The following SLC30A7 variants were observed in gnomAD, a reference collection of about 807,000 sequenced individuals.
The protein encoded by SLC30A7 is zinc transporter 7.
In SLC30A7, 35 loss-of-function variants were observed where a neutral mutation model predicts 46.0. The ratio of observed to expected loss-of-function variants is 0.76; its 90% confidence interval spans 0.58 to 1.01. The LOEUF (loss-of-function observed/expected upper bound fraction) is 1.01. Ranked by LOEUF, SLC30A7 falls within the 50% of genes least tolerant of loss-of-function variation. The pLI is 0.00. For synonymous variants in SLC30A7, 147 were observed against 157.8 expected, an observed-to-expected ratio of 0.93 and a Z score of 0.51; for missense variants, 464 against 451.1, an observed-to-expected ratio of 1.03 and a Z score of -0.26.
At chr1:100,963,511 A>G (rs79763958) in intron 9 of SLC30A7, among the ~76,000 whole-genome samples, 4,373 of 152,250 alleles carry the variant, frequency 0.029, 205 homozygotes, top group African/African-American at 0.095. Flanking sequence ...AAATGAATGG[A>G]GAAGTGACAA....
chr1:100,925,139 G>A (rs1288167297), intron 8 of SLC30A7, among the ~76,000 whole-genome samples: 1 of 152,226 alleles, frequency 6.6e-6, no homozygotes, highest in Non-Finnish European at 1.5e-5. Flanking sequence ...TTTAACCTGA[G>A]ATCTTATTGT....
chr1:100,942,798 AT>A (rs1654425525), intron 8 of SLC30A7, among the ~76,000 whole-genome samples: 1 of 152,224 alleles, frequency 6.6e-6, no homozygotes, highest in South Asian at 2.1e-4. Flanking sequence ...TGTTTTTAAC[AT>A]TTCATCTTAG....
intron 10 of SLC30A7, among the ~76,000 whole-genome samples, chr1:100,967,847 A>G (rs545283539): frequency 2.0e-5 from 3 of 152,336 alleles, no homozygotes; most frequent in African/African-American, 4.8e-5. Flanking sequence ...AGCAACCACA[A>G]AGGAAAGTAT....
chr1:100,957,202 A>C (rs935764933), intron 8 of SLC30A7, among the ~76,000 whole-genome samples: 1 of 152,152 alleles, frequency 6.6e-6, no homozygotes, highest in Non-Finnish European at 1.5e-5. Context: ...CATTGCCACA[A>C]CTCGAGAGTA....
At chr1:100,993,563 T>TATAC in the SLC30A7 span, among the ~76,000 whole-genome samples, 1 of 65,190 alleles carries the variant, frequency 1.5e-5, no homozygotes, top group South Asian at 4.1e-4. Flanking sequence ...AATATAAATA[T>TATAC]ATATATATAT....
the SLC30A7 span, among the ~76,000 whole-genome samples, chr1:100,992,090 C>CCT: frequency 4.7e-5 from 7 of 149,908 alleles, no homozygotes; most frequent in African/African-American, 4.9e-5. Flanking sequence ...AAAGTGAGAC[C>CCT]CTCTCTCAAA....
chr1:100,976,734 T>C lies in SLC30A7; in HGVS notation c.*1877T>C, dbSNP rs1656540818. On this transcript the variant is annotated 3_prime_UTR_variant, in exon 11 of 11. Transcript: ENST00000357650. ...GTTTTAGAGTGTCTTTTCCCCTATT[T>C]CTGACCTACAACTATAAACTACTCT... 1 of 152,664 alleles carries C rather than the reference T, an allele frequency of 6.6e-6. No individual in the cohort carries two copies. Among genetic ancestry groups the C allele is most frequent in the Admixed American group, 6.5e-5 (1 of 15,284 alleles). 9.5% of individuals were successfully genotyped at this position (152,664 alleles called of 1,614,324 possible).
At position 100,896,160 on chromosome 1, in the gene SLC30A7, A is replaced by C; in HGVS notation, c.-103A>C. On this transcript the variant is annotated 5_prime_UTR_variant, in exon 1 of 11. Coordinates refer to ENST00000357650, the MANE Select transcript of SLC30A7 (RefSeq NM_133496.5). ...TCGCAGCGGCGCGCGGCCCCGGACA[A>C]GCGCTGGGGATTCCCGTTTGAGGCG... 1 of 1,011,596 alleles carries C rather than the reference A, an allele frequency of 9.9e-7. No homozygotes were observed. The highest frequency in any genetic ancestry group is 1.6e-6 in the Non-Finnish European group (1 of 644,670). 62.7% of individuals were successfully genotyped at this position (1,011,596 alleles called of 1,614,324 possible). A position where few individuals can be genotyped will look rare whatever the true frequency, so the allele number is the denominator to read the frequency against.
At chr1:100,959,245 A>AG (rs1655405423) in intron 8 of SLC30A7, among the ~76,000 whole-genome samples, 2 of 152,238 alleles carry the variant, frequency 1.3e-5, no homozygotes, top group Non-Finnish European at 2.9e-5. Flanking sequence ...GTAAAGGGAT[A>AG]GGGTCACATA....
At chr1:100,941,088 A>G in intron 8 of SLC30A7, 1 of 317,740 alleles carries the variant, frequency 3.1e-6, no homozygotes, top group Non-Finnish European at 6.1e-6. Flanking sequence ...ATAGTTTAGA[A>G]AAGAATTTGC....
At chr1:100,972,153 G>T in intron 10 of SLC30A7, 1 of 188,620 alleles carries the variant, frequency 5.3e-6, no homozygotes. Flanking sequence ...TCTGAGTAGT[G>T]TTTTCATCTG....
intron 8 of SLC30A7, among the ~76,000 whole-genome samples, chr1:100,957,153 C>T (rs558167805): frequency 1.3e-5 from 2 of 152,300 alleles, no homozygotes; most frequent in East Asian, 3.9e-4. Context: ...TGCTTAATAG[C>T]TGTGTCCTTA....
chr1:100,900,009 TGAGAGA>T (rs34930575), intron 2 of SLC30A7, among the ~76,000 whole-genome samples: 1 of 148,806 alleles, frequency 6.7e-6, no homozygotes, highest in Non-Finnish European at 1.5e-5. Flanking sequence ...AAGTGGGACT[TGAGAGA>T]GAGAGAGAGA....
downstream of SLC30A7, among the ~76,000 whole-genome samples, chr1:100,983,087 T>TGAG (rs988085382): frequency 3.9e-5 from 6 of 152,194 alleles, no homozygotes; most frequent in African/African-American, 1.4e-4. Flanking sequence ...TCAGGAATCT[T>TGAG]GAGTGGCTCC....
intron 9 of SLC30A7, among the ~76,000 whole-genome samples, chr1:100,963,247 C>CT (rs1655654332): frequency 1.3e-5 from 2 of 152,138 alleles, no homozygotes; most frequent in Admixed American, 1.3e-4. Context: ...GCTTTCAACT[C>CT]TAAATTTGGA....
At chr1:100,927,342 C>T (rs1265460230) in intron 8 of SLC30A7, among the ~76,000 whole-genome samples, 1 of 152,028 alleles carries the variant, frequency 6.6e-6, no homozygotes, top group Non-Finnish European at 1.5e-5. Flanking sequence ...AAAGATACAA[C>T]CATATGTTGT....
At chr1:100,910,700 C>T (rs926548549) in intron 3 of SLC30A7, among the ~76,000 whole-genome samples, 5 of 152,112 alleles carry the variant, frequency 3.3e-5, no homozygotes, top group African/African-American at 1.2e-4. Flanking sequence ...CTTTCTTCTA[C>T]TTTTTAGCCG....
intron 8 of SLC30A7, among the ~76,000 whole-genome samples, chr1:100,943,482 T>G (rs1197613004): frequency 6.6e-6 from 1 of 152,234 alleles, no homozygotes; most frequent in Admixed American, 6.5e-5. Flanking sequence ...TTATGGAGGC[T>G]TCATTACATA....
intron 8 of SLC30A7, among the ~76,000 whole-genome samples, chr1:100,937,950 A>C (rs1654074833): frequency 6.6e-6 from 1 of 152,168 alleles, no homozygotes; most frequent in African/African-American, 2.4e-5. Flanking sequence ...CTTCTTTTGC[A>C]TGTAAAAATC....
Sources: allele counts gnomAD v4.1 joint callset (sites outside exome capture counted in the v4.1 genomes callset), GRCh38; gene constraint gnomAD v4.1.1; transcripts MANE v1.5; gene names NCBI Gene and HGNC (gene_info 2026-07-23, HGNC 2026-07-21).